The following DNAJC13 variants were observed in gnomAD, a reference collection of about 807,000 sequenced individuals.
DNAJC13 encodes DnaJ heat shock protein family (Hsp40) member C13.
DNAJC13 carries 75 observed loss-of-function variants against 290.5 expected under a neutral mutation model. That is an observed-to-expected ratio of 0.26 (90% confidence interval 0.21 to 0.31). The LOEUF is 0.31. Ranked by LOEUF, DNAJC13 falls within the 10% of genes least tolerant of loss-of-function variation. The pLI, the probability that DNAJC13 is intolerant of heterozygous loss-of-function variation, is 1.00. For synonymous variants in DNAJC13, 862 were observed against 892.0 expected, an observed-to-expected ratio of 0.97 and a Z score of 0.60; for missense variants, 2,260 against 2,674.5, an observed-to-expected ratio of 0.85 and a Z score of 3.42.
At chr3:132,533,120 A>G (rs561076226) in intron 55 of DNAJC13, among the ~76,000 whole-genome samples, 4 of 145,800 alleles carry the variant, frequency 2.7e-5, no homozygotes, top group Admixed American at 6.8e-5. Context: ...CAATGGTGCA[A>G]TCTTGGCTCA....
Position 132,531,010 on chromosome 3 carries a change from C to G in DNAJC13, c.6538C>G (p.Leu2180Val). The G allele has an allele frequency of 6.2e-7, 1 of 1,613,898 alleles. No homozygotes were observed. Among genetic ancestry groups the G allele is most frequent in the Non-Finnish European group, 8.5e-7 (1 of 1,179,816 alleles). Residue 2180 changes from leucine (L) to valine (V), a missense_variant, in exon 55 of 56, where the codon CTG (leucine) becomes GTG (valine). By Grantham distance (32) the Leu-to-Val change is conservative (BLOSUM62 1). This residue lies in a region of DNAJC13 where 1,494 missense variants were observed against 1,693.7 expected (regional missense o/e 0.88). Transcript: ENST00000260818. The stretch of plus-strand genomic sequence containing the variant: ...TTTACTTTCCTAGGTGAATGAAATC[C>G]TGTGCCGTTCTTCAGTCTGGAGTGC... ...LQYGEQVNEI[L>V]CRSSVWSAFK...
At chr3:132,491,128 TAAAAG>T (rs2107707875) in intron 32 of DNAJC13, 77 bp downstream of exon 32, 9 of 1,237,930 alleles carry the variant, frequency 7.3e-6, no homozygotes, top group South Asian at 1.7e-5. Flanking sequence ...TGACTTCTGT[TAAAAG>T]AAATGTTTTC....
chr3:132,495,525 G>T (rs1004344636), intron 35 of DNAJC13, among the ~76,000 whole-genome samples: 1 of 152,046 alleles, frequency 6.6e-6, no homozygotes, highest in Non-Finnish European at 1.5e-5. Flanking sequence ...ATTGCTTTGG[G>T]CAATTTATGT....
chr3:132,511,268 A>T, intron 44 of DNAJC13, 24 bp downstream of exon 44: 1 of 1,612,176 alleles, frequency 6.2e-7, no homozygotes, highest in Non-Finnish European at 8.5e-7. Context: ...CCTTTGATCA[A>T]TAAGACTCGT....
intron 31 of DNAJC13, among the ~76,000 whole-genome samples, chr3:132,489,473 G>A (rs1331755609): frequency 6.7e-6 from 1 of 150,148 alleles, no homozygotes; most frequent in East Asian, 2.0e-4. Context: ...TTTACTGTGG[G>A]GTTAAGCTGG....
intron 48 of DNAJC13, among the ~76,000 whole-genome samples, chr3:132,522,154 C>T (rs1936111195): frequency 6.6e-6 from 1 of 152,040 alleles, no homozygotes; most frequent in South Asian, 2.1e-4. Context: ...TAGAGGGTTT[C>T]CGTAAGATAA....
intron 29 of DNAJC13, among the ~76,000 whole-genome samples, chr3:132,486,226 C>G (rs932944366): frequency 6.6e-6 from 1 of 150,980 alleles, no homozygotes; most frequent in African/African-American, 2.4e-5. Flanking sequence ...GGGCTCTAAA[C>G]TATTACCACA....
chr3:132,433,169 G>T lies in DNAJC13; in HGVS notation c.-13-1369G>T, dbSNP rs377553541. On this transcript the variant is annotated intron_variant, in intron 1 of 55. Transcript: ENST00000260818. Reference sequence around the variant, plus strand: ...ATTATCTTCAGATACAAGGACGAATGATGATTTGCTTTCTGAACATTTTAG... The same window carrying T: ...ATTATCTTCAGATACAAGGACGAATTATGATTTGCTTTCTGAACATTTTAG... 4.6e-5 allele frequency among the ~76,000 whole-genome samples: 7 copies of T among 152,318 alleles called. No individual in the cohort carries two copies. The East Asian group carries it at 7.7e-4, about 17-fold the overall frequency.
intron 20 of DNAJC13, among the ~76,000 whole-genome samples, chr3:132,470,881 GGGC>G (rs1934208359): frequency 7.8e-6 from 1 of 128,784 alleles, no homozygotes; most frequent in Non-Finnish European, 1.7e-5. Context: ...GCGGCCGGCC[GGGC>G]GGGGGGCTGA....
At position 132,418,092 on chromosome 3, in the gene DNAJC13, G is replaced by A. The variant is rs527604040; in HGVS notation, c.-14+332G>A. ...TCATTCCCTTGTGGGTTCCGCCCTC[G>A]GGATTCCCTTCCAGTCTCCTAGTCT... On this transcript the variant is annotated intron_variant, in intron 1 of 55. Transcript: ENST00000260818. Among the ~76,000 whole-genome samples, 2 of 151,930 alleles carry A rather than the reference G, an allele frequency of 1.3e-5. 1 individual carries two copies. Among genetic ancestry groups the A allele is most frequent in the South Asian group, 4.2e-4 (2 of 4,804 alleles).
intron 20 of DNAJC13, among the ~76,000 whole-genome samples, chr3:132,471,233 C>T (rs1461956028): frequency 3.0e-5 from 4 of 134,142 alleles, no homozygotes; most frequent in Non-Finnish European, 6.5e-5. Flanking sequence ...GGCGGCTGGC[C>T]GGGCGGGGGG....
At chr3:132,443,706 C>T (rs551563253) in intron 2 of DNAJC13, among the ~76,000 whole-genome samples, 8 of 151,988 alleles carry the variant, frequency 5.3e-5, no homozygotes, top group Non-Finnish European at 8.8e-5. Flanking sequence ...AAAAGAGGAG[C>T]GGCATGGGGA....
intron 7 of DNAJC13, 36 bp downstream of exon 7, chr3:132,453,540 C>T (rs2107666616): frequency 1.9e-6 from 3 of 1,609,640 alleles, no homozygotes; most frequent in Non-Finnish European, 2.5e-6. Context: ...AATTTGTTCA[C>T]CTGATTTTGA....
At chr3:132,469,963 C>CTTTTTTTTTTTTT (rs61726289) in intron 20 of DNAJC13, among the ~76,000 whole-genome samples, 13 of 61,152 alleles carry the variant, frequency 2.1e-4, no homozygotes, top group African/African-American at 3.4e-4. Context: ...AGCAGAGATT[C>CTTTTTTTTTTTTT]TTTTTTTTTT....
Position 132,480,456 on chromosome 3 carries a change from A to G in DNAJC13, c.2860A>G (p.Thr954Ala). ...TLAHLHVSRATVPLQSNVIEA... is the reference protein window; with the variant it reads ...TLAHLHVSRAAVPLQSNVIEA... ...TGCACATCTCCATGTAAGCCGAGCT[A>G]CAGTACCACTGCAAGTACGTATCCT... Residue 954 changes from threonine to alanine, a missense_variant, in exon 26 of 56, where the codon ACA becomes GCA. Thr to Ala is a moderately conservative substitution (Grantham distance 58). Coordinates refer to ENST00000260818, the MANE Select transcript of DNAJC13 (RefSeq NM_015268.4). The G allele has an allele frequency of 1.2e-6, 2 of 1,611,248 alleles. No homozygotes were observed. Among genetic ancestry groups the G allele is most frequent in the Non-Finnish European group, 1.7e-6 (2 of 1,177,956 alleles).
At chr3:132,471,289 G>C (rs1348830054) in intron 20 of DNAJC13, among the ~76,000 whole-genome samples, 2 of 142,072 alleles carry the variant, frequency 1.4e-5, no homozygotes, top group Non-Finnish European at 3.1e-5. Context: ...GGCCGGTCGG[G>C]GGGGCTGACC....
chr3:132,467,494 C>A, intron 20 of DNAJC13, 181 bp downstream of exon 20: 1 of 574,036 alleles, frequency 1.7e-6, no homozygotes, highest in Non-Finnish European at 2.8e-6. Flanking sequence ...GAGACAGAGC[C>A]TTGCTCTGTT....
At chr3:132,485,868 A>G (rs1184630090) in intron 29 of DNAJC13, among the ~76,000 whole-genome samples, 1 of 152,182 alleles carries the variant, frequency 6.6e-6, no homozygotes, top group African/African-American at 2.4e-5. Context: ...ATTAAACCCA[A>G]ATAAGTCAGG....
intron 52 of DNAJC13, 81 bp from the exon 53 acceptor site, chr3:132,526,052 TTTTACTTA>T (rs1166032657): frequency 3.3e-6 from 5 of 1,497,606 alleles, no homozygotes; most frequent in Middle Eastern, 1.8e-4. Flanking sequence ...GGGATTCTTT[TTTTACTTA>T]TTTACTTATT....
Sources: gnomAD v4.1 joint callset for allele counts (sites outside exome capture counted in the v4.1 genomes callset) on GRCh38, gnomAD v4.1.1 for gene constraint, gnomAD v4.1.1 regional missense constraint, MANE v1.5 for transcripts, NCBI Gene and HGNC (gene_info 2026-07-23, HGNC 2026-07-21) for gene names.